Variants in HSD11B1 observed in about 807,000 individuals in gnomAD.
The protein encoded by HSD11B1 is 11-beta-hydroxysteroid dehydrogenase 1.
HSD11B1 carries 15 observed loss-of-function variants against 22.1 expected under a neutral mutation model. The observed-to-expected ratio is 0.68, with a 90% CI of 0.45 to 1.04. HSD11B1 has a LOEUF of 1.04. HSD11B1 is among the 50% of genes least tolerant of loss of function. HSD11B1 has a pLI of 0.00. For missense variants in HSD11B1, 281 were observed against 357.6 expected (o/e 0.79, Z 1.73); for synonymous variants, 122 against 125.2 (o/e 0.97, Z 0.17).
At position 209,707,187 on chromosome 1, in the gene HSD11B1, T is replaced by C. The variant is rs2076865903; in HGVS notation, c.517+59T>C. 2.2e-6 allele frequency: 3 copies of C among 1,358,960 alleles called. No individual in the cohort carries two copies. In the Admixed American group the frequency reaches 5.1e-5, roughly 23 times the overall value. 84.2% of individuals were successfully genotyped at this position (1,358,960 alleles called of 1,614,324 possible). A position where few individuals can be genotyped will look rare whatever the true frequency, so the allele number is the denominator to read the frequency against. Reference sequence around the variant, plus strand: ...AGAAAAAAAAAAATGCCAGGGATGATGCCAGGCTCTGAAGTAGACATAAAT... The same window carrying C: ...AGAAAAAAAAAAATGCCAGGGATGACGCCAGGCTCTGAAGTAGACATAAAT... On this transcript the variant is annotated intron_variant, in intron 4 of 5. Coordinates refer to ENST00000367027, the MANE Select transcript of HSD11B1 (RefSeq NM_005525.4).
At chr1:209,701,403 G>C (rs988745133), upstream of HSD11B1, among the ~76,000 whole-genome samples, 3 of 152,170 alleles carry the variant, frequency 2.0e-5, no homozygotes, top group Non-Finnish European at 4.4e-5. Context: ...GGAAAGACCA[G>C]CCTCCATGAT....
At chr1:209,733,223 T>C (rs2077046686) in intron 5 of HSD11B1, among the ~76,000 whole-genome samples, 2 of 152,202 alleles carry the variant, frequency 1.3e-5, no homozygotes, top group South Asian at 4.1e-4. Context: ...ATGAACTCTT[T>C]GATGTGATGT....
At chr1:209,692,309 G>C (rs546183926) in intron 1 of HSD11B1, among the ~76,000 whole-genome samples, 1 of 152,146 alleles carries the variant, frequency 6.6e-6, no homozygotes. Context: ...AGTTAAAGTG[G>C]TAAAAACAGG....
chr1:209,708,904 A>G lies in HSD11B1; in HGVS notation c.517+1776A>G, dbSNP rs894146610. 2.0e-5 allele frequency among the ~76,000 whole-genome samples: 3 copies of G among 152,328 alleles called. 1 individual carries two copies. The highest frequency in any genetic ancestry group is 4.1e-4 in the South Asian group (2 of 4,822). ...AGGTAGGAAATCTAGCTGGATGAGT[A>G]TCTTTGGTGTTTATTGCTTGTGTAG... On this transcript the variant is annotated intron_variant, in intron 4 of 5. Coordinates refer to ENST00000367027, the MANE Select transcript of HSD11B1 (RefSeq NM_005525.4).
chr1:209,688,180 G>A (rs760951), intron 1 of HSD11B1, among the ~76,000 whole-genome samples: 114,593 of 151,954 alleles, frequency 0.75, 45,044 homozygotes, highest in Non-Finnish European at 0.87. Flanking sequence ...CAGGCTACCT[G>A]AGTTGCCTCC....
Position 209,733,334 on chromosome 1 carries a change from T to C in HSD11B1, c.661+755T>C, listed in dbSNP as rs78463256. Among the ~76,000 whole-genome samples, 1,281 of 152,224 alleles carry C rather than the reference T, an allele frequency of 8.4e-3. 12 individuals carry two copies. The highest frequency in any genetic ancestry group is 0.028 in the African/African-American group (1,165 of 41,534). Reference sequence around the variant, plus strand: ...ATGAACAAAACCAAATCAAGGAACATTTTATAAAACATTTGGTCAGTATTC... The same window carrying C: ...ATGAACAAAACCAAATCAAGGAACACTTTATAAAACATTTGGTCAGTATTC... On this transcript the variant is annotated intron_variant, in intron 5 of 5. Transcript: ENST00000367027.
chr1:209,705,133 T>C (rs1207904397), intron 1 of HSD11B1, 103 bp downstream of exon 1: 2 of 935,512 alleles, frequency 2.1e-6, no homozygotes, highest in Non-Finnish European at 3.5e-6. Flanking sequence ...TCAAAGTTGG[T>C]GAAAATGAGG....
rs1337644688 is a variant in HSD11B1, at chr1:209,734,547, G to A, written c.*26G>A. On this transcript the variant is annotated 3_prime_UTR_variant, in exon 6 of 6. Transcript: ENST00000367027. ...GAACTCCCTGAGGGCTGGGCATGCT[G>A]AGGGATTTTGGGACTGTTCTGTCTC... is the stretch of plus-strand genomic sequence containing the variant. 3 of 1,543,212 alleles carry A rather than the reference G, an allele frequency of 1.9e-6. No individual in the cohort carries two copies. In the South Asian group the frequency reaches 3.4e-5, roughly 17 times the overall value.
chr1:209,705,266 C>T (rs960837388), intron 1 of HSD11B1, among the ~76,000 whole-genome samples: 1 of 151,660 alleles, frequency 6.6e-6, no homozygotes, highest in Non-Finnish European at 1.5e-5. Flanking sequence ...TTATTTGGCA[C>T]CCTTAATGGA....
Position 209,729,393 on chromosome 1 carries a change from C to A in HSD11B1, c.518-3043C>A, listed in dbSNP as rs570356955. On this transcript the variant is annotated intron_variant, in intron 4 of 5. Transcript: ENST00000367027. ...ACACACACACACACACACACACACA[C>A]AAGTAAGTTAAAATTTAAATCAGGT... Among the ~76,000 whole-genome samples, 51 of 151,412 alleles carry A rather than the reference C, an allele frequency of 3.4e-4. No homozygotes were observed. In the South Asian group the frequency reaches 0.01, roughly 31 times the overall value.
intron 5 of HSD11B1, among the ~76,000 whole-genome samples, chr1:209,733,245 C>T (rs142639796): frequency 1.3e-5 from 2 of 152,314 alleles, no homozygotes; most frequent in Non-Finnish European, 2.9e-5. Context: ...CTGAGAAGAA[C>T]ACAACATCAT....
intron 4 of HSD11B1, among the ~76,000 whole-genome samples, chr1:209,716,272 T>C (rs1207030650): frequency 6.6e-6 from 1 of 150,708 alleles, no homozygotes; most frequent in African/African-American, 2.4e-5. Flanking sequence ...AAATCAACAG[T>C]GTCCCCATAT....
At chr1:209,695,003 T>C (rs1408070863) in intron 1 of HSD11B1, among the ~76,000 whole-genome samples, 1 of 152,078 alleles carries the variant, frequency 6.6e-6, no homozygotes, top group Non-Finnish European at 1.5e-5. Context: ...TGGTGGGAGG[T>C]GACTGGATTA....
At chr1:209,698,641 A>G (rs2076807694) in intron 1 of HSD11B1, among the ~76,000 whole-genome samples, 1 of 152,224 alleles carries the variant, frequency 6.6e-6, no homozygotes, top group Admixed American at 6.5e-5. Context: ...TCTCTCTTCT[A>G]TGCTCAGATG....
chr1:209,691,360 AC>A (rs1250033630), intron 1 of HSD11B1, among the ~76,000 whole-genome samples: 1 of 152,258 alleles, frequency 6.6e-6, no homozygotes, highest in Non-Finnish European at 1.5e-5. Flanking sequence ...ACTCCTGCAT[AC>A]AAGGTCTCAA....
At chr1:209,720,787 G>A (rs1374267457) in intron 4 of HSD11B1, among the ~76,000 whole-genome samples, 1 of 151,884 alleles carries the variant, frequency 6.6e-6, no homozygotes, top group Admixed American at 6.6e-5. Context: ...TAGATAACAT[G>A]GATATGTCAG....
chr1:209,713,654 T>A (rs992169684), intron 4 of HSD11B1, among the ~76,000 whole-genome samples: 8 of 152,220 alleles, frequency 5.3e-5, no homozygotes, highest in African/African-American at 1.9e-4. Flanking sequence ...AATGGCATAG[T>A]ATCTGCATAT....
In HSD11B1 at chr1:209,710,430, T is replaced by A. The variant is rs554463425; in HGVS notation, c.517+3302T>A. Among the ~76,000 whole-genome samples, 10 of 152,306 alleles carry A rather than the reference T, an allele frequency of 6.6e-5. No homozygotes were observed. In the South Asian group the frequency reaches 1.9e-3, roughly 28 times the overall value. On this transcript the variant is annotated intron_variant, in intron 4 of 5. Transcript: ENST00000367027. ...GCTCCTTTCTCCTCTCAAAATCTAC[T>A]TAGCCCCCTACCTCCTATGAAGTCT... is the stretch of plus-strand genomic sequence containing the variant.
At chr1:209,725,389 G>T (rs556318517) in intron 4 of HSD11B1, among the ~76,000 whole-genome samples, 3 of 152,110 alleles carry the variant, frequency 2.0e-5, no homozygotes, top group African/African-American at 7.2e-5. Flanking sequence ...CACCTCCCTG[G>T]TCCTTCATGT....
Sources: allele counts gnomAD v4.1 joint callset (sites outside exome capture counted in the v4.1 genomes callset), GRCh38; gene constraint gnomAD v4.1.1; transcripts MANE v1.5; gene names NCBI Gene and HGNC (gene_info 2026-07-23, HGNC 2026-07-21).